AOPEP: variants seen among roughly 807,000 people sequenced by gnomAD.
AOPEP encodes aminopeptidase O.
In AOPEP, 77 loss-of-function variants were observed where a neutral mutation model predicts 98.1. The ratio of observed to expected loss-of-function variants is 0.78; its 90% CI spans 0.65 to 0.95. AOPEP has a LOEUF of 0.95. AOPEP is among the 40% of genes least tolerant of loss of function. The probability of loss-of-function intolerance (pLI) is 0.00; values close to 1 mark genes in which losing one functional copy is unlikely to be tolerated. For synonymous variants in AOPEP, 346 were observed against 365.3 expected (o/e 0.95, Z 0.60); for missense variants, 1,024 against 1,024.7 (o/e 1.00, Z 0.01).
At chr9:94,881,896 A>G (rs2047627631) in intron 5 of AOPEP, among the ~76,000 whole-genome samples, 1 of 152,168 alleles carries the variant, frequency 6.6e-6, no homozygotes, top group African/African-American at 2.4e-5. Context: ...AGGGGTCTTT[A>G]ATACCCTCCT....
intron 14 of AOPEP, among the ~76,000 whole-genome samples, chr9:95,071,312 A>G (rs1168612060): frequency 8.0e-6 from 1 of 125,498 alleles, no homozygotes; most frequent in Non-Finnish European, 1.6e-5. Flanking sequence ...ACACAAAAAA[A>G]TGCTCACTGG....
intron 13 of AOPEP, 149 bp from the exon 14 acceptor site, chr9:95,060,544 CA>C: frequency 1.5e-6 from 1 of 665,860 alleles, no homozygotes; most frequent in Non-Finnish European, 2.7e-6. Context: ...TGAGGAATTA[CA>C]AAAGTCAGCC....
At chr9:94,768,392 C>A (rs904240342) in intron 2 of AOPEP, among the ~76,000 whole-genome samples, 1 of 152,106 alleles carries the variant, frequency 6.6e-6, no homozygotes, top group Non-Finnish European at 1.5e-5. Flanking sequence ...AAGACAAATG[C>A]GTATAGCAGT....
chr9:94,769,074 C>G (rs534955984), intron 2 of AOPEP, among the ~76,000 whole-genome samples: 2 of 152,304 alleles, frequency 1.3e-5, no homozygotes, highest in Non-Finnish European at 2.9e-5. Context: ...CCATATAGTT[C>G]TCATTTGAAT....
At chr9:94,780,364 T>C (rs7036387) in intron 3 of AOPEP, among the ~76,000 whole-genome samples, 2,667 of 152,302 alleles carry the variant, frequency 0.018, 57 homozygotes, top group East Asian at 0.09. Context: ...CCTTTTTTTT[T>C]CCCCAAATTC....
chr9:94,932,122 T>C, intron 7 of AOPEP: 1 of 1,024,982 alleles, frequency 9.8e-7, no homozygotes, highest in Non-Finnish European at 1.2e-6. Flanking sequence ...CTGAGAGCAT[T>C]TAGTTGCATT....
intron 10 of AOPEP, among the ~76,000 whole-genome samples, chr9:94,975,770 C>T (rs971755476): frequency 2.0e-5 from 3 of 152,224 alleles, no homozygotes; most frequent in African/African-American, 7.2e-5. Context: ...CAGTTCTCTG[C>T]CGTGTCCCTC....
chr9:95,092,169 A>C, the AOPEP span, among the ~76,000 whole-genome samples: 1,115 of 152,246 alleles, frequency 7.3e-3, 14 homozygotes, highest in African/African-American at 0.025. Flanking sequence ...AGTTCTGTCT[A>C]GTCCCAACAG....
At chr9:94,960,150 G>A (rs556786136) in intron 9 of AOPEP, among the ~76,000 whole-genome samples, 6 of 152,150 alleles carry the variant, frequency 3.9e-5, no homozygotes, top group Admixed American at 6.5e-5. Context: ...GGTGGCTCAC[G>A]CCTGTAATCC....
rs144028639 is a variant in AOPEP, at chr9:94,991,594, A to G, written c.1977+12167A>G. Among the ~76,000 whole-genome samples the G allele has an allele frequency of 5.3e-5, 8 of 152,356 alleles. No homozygotes were observed. In the East Asian group the frequency reaches 1.5e-3, roughly 29 times the overall value. Reference sequence around the variant, plus strand: ...TTTGCCTTAGTTTCTACGAAGACCTATGAGTAGATAATAAAGGAGTATGGC... The same window carrying G: ...TTTGCCTTAGTTTCTACGAAGACCTGTGAGTAGATAATAAAGGAGTATGGC... On this transcript the variant is annotated intron_variant, in intron 11 of 16. Coordinates refer to ENST00000375315, the MANE Select transcript of AOPEP (RefSeq NM_001193329.3).
At chr9:94,977,354 C>T (rs1312978949) in intron 10 of AOPEP, among the ~76,000 whole-genome samples, 1 of 152,056 alleles carries the variant, frequency 6.6e-6, no homozygotes, top group Non-Finnish European at 1.5e-5. Flanking sequence ...CTTGTGGAGG[C>T]TTCTGCAGTA....
chr9:95,098,597 C>T, the AOPEP span, among the ~76,000 whole-genome samples: 2 of 152,098 alleles, frequency 1.3e-5, no homozygotes, highest in East Asian at 1.9e-4. Flanking sequence ...GTGGCCACGG[C>T]GCTGCTCGCC....
Position 94,937,373 on chromosome 9 carries a change from G to A in AOPEP, c.1661+8842G>A, listed in dbSNP as rs565557156. 1.3e-4 allele frequency among the ~76,000 whole-genome samples: 20 copies of A among 152,268 alleles called. No individual in the cohort carries two copies. The South Asian group carries it at 3.7e-3, about 28-fold the overall frequency. ...TTTTCTCTGCGTGTGCATGTCCCTCGTGTCCCTCTGTATGTCTTAATCTGC... is the reference window on the plus strand; with the variant it reads ...TTTTCTCTGCGTGTGCATGTCCCTCATGTCCCTCTGTATGTCTTAATCTGC... On this transcript the variant is annotated intron_variant, in intron 7 of 16. Coordinates refer to ENST00000375315, the MANE Select transcript of AOPEP (RefSeq NM_001193329.3).
At position 95,079,071 on chromosome 9, in the gene AOPEP, AG is replaced by A. The variant is rs1193296740; in HGVS notation, c.2233-1622del. Among the ~76,000 whole-genome samples the A allele has an allele frequency of 2.6e-5, 4 of 152,310 alleles. No homozygotes were observed. In the East Asian group the frequency reaches 7.7e-4, roughly 29 times the overall value. On this transcript the variant is annotated intron_variant, in intron 14 of 16. Transcript: ENST00000375315. ...TTTTGCTCTGAGGGCAGAGGCTATC[AG>A]CCCCTCCCAGAGGCATGCCACTTCA...
At chr9:95,016,142 T>C (rs2404302) in intron 13 of AOPEP, among the ~76,000 whole-genome samples, 116,103 of 148,830 alleles carry the variant, frequency 0.78, 46,753 homozygotes, top group Non-Finnish European at 0.89. Context: ...TTTTTTTTTT[T>C]CCCCCCACGG....
the AOPEP span, among the ~76,000 whole-genome samples, chr9:95,146,930 G>C: frequency 6.6e-6 from 1 of 151,680 alleles, no homozygotes; most frequent in African/African-American, 2.4e-5. Flanking sequence ...ACACTTTGTT[G>C]GGTTTTGTAG....
chr9:94,804,812 A>C (rs1317168306), intron 5 of AOPEP, among the ~76,000 whole-genome samples: 1 of 152,246 alleles, frequency 6.6e-6, no homozygotes, highest in Non-Finnish European at 1.5e-5. Flanking sequence ...GCTATGAAGA[A>C]AATAAAATCA....
At chr9:95,125,353 C>T in the AOPEP span, among the ~76,000 whole-genome samples, 10 of 152,306 alleles carry the variant, frequency 6.6e-5, no homozygotes, top group South Asian at 1.2e-3. Context: ...ATAAATTTGT[C>T]GCTCCCTGTT....
At chr9:94,761,664 T>A (rs1401774834) in intron 2 of AOPEP, among the ~76,000 whole-genome samples, 1 of 152,234 alleles carries the variant, frequency 6.6e-6, no homozygotes, top group Non-Finnish European at 1.5e-5. Flanking sequence ...GCCTCTAATC[T>A]TACCTTCTGT....
Sources: allele counts gnomAD v4.1 joint callset (sites outside exome capture counted in the v4.1 genomes callset), GRCh38; gene constraint gnomAD v4.1.1; transcripts MANE v1.5; gene names NCBI Gene and HGNC (gene_info 2026-07-23, HGNC 2026-07-21).